The following SAMD12 variants were observed in gnomAD, a reference collection of about 807,000 sequenced individuals.
SAMD12 encodes sterile alpha motif domain-containing protein 12.
SAMD12 carries 9 observed loss-of-function variants against 15.0 expected under a neutral mutation model. The observed-to-expected ratio is 0.60, with a 90% CI of 0.36 to 1.05. The LOEUF (loss-of-function observed/expected upper bound fraction) is 1.05, where lower values mean the gene tolerates loss of function less well. Among genes scored for constraint, SAMD12 ranks in the 50% least tolerant of loss-of-function variants. The probability of loss-of-function intolerance (pLI) is 0.01; values close to 1 mark genes in which losing one functional copy is unlikely to be tolerated. For synonymous variants in SAMD12, 86 were observed against 90.1 expected, an observed-to-expected ratio of 0.96 and a Z score of 0.25; for missense variants, 230 against 234.2, an observed-to-expected ratio of 0.98 and a Z score of 0.12.
intron 2 of SAMD12, among the ~76,000 whole-genome samples, chr8:118,554,637 T>C (rs1233587793): frequency 6.6e-6 from 1 of 151,818 alleles, no homozygotes; most frequent in Non-Finnish European, 1.5e-5. Flanking sequence ...GTAACTAACC[T>C]GCACATTGTG....
rs1378701285 is a variant in SAMD12 at position 118,199,231 on chromosome 8, C to T, written c.434-1499G>A. Among the ~76,000 whole-genome samples the T allele has an allele frequency of 2.0e-5, 3 of 152,178 alleles. No homozygotes were observed. The East Asian group carries it at 5.8e-4, about 29-fold the overall frequency. On this transcript the variant is annotated intron_variant, in intron 4 of 4. Coordinates refer to the SAMD12 transcript ENST00000409003. Reference sequence around the variant, plus strand: ...AACAAAAATTAGGCTCACAGGGTTGCAGGATTGCCCCATGACTAACTAAAG... The same window carrying T: ...AACAAAAATTAGGCTCACAGGGTTGTAGGATTGCCCCATGACTAACTAAAG...
intron 4 of SAMD12, among the ~76,000 whole-genome samples, chr8:118,209,590 T>C (rs1313742440): frequency 1.3e-5 from 2 of 152,198 alleles, no homozygotes; most frequent in Non-Finnish European, 2.9e-5. Context: ...TTGTGATTAA[T>C]TGCTTGAACT....
intron 4 of SAMD12, among the ~76,000 whole-genome samples, chr8:118,278,388 G>C (rs1393838000): frequency 6.6e-6 from 1 of 152,098 alleles, no homozygotes; most frequent in Non-Finnish European, 1.5e-5. Flanking sequence ...ACTGACAAAG[G>C]GTTAAGAAAA....
chr8:118,364,151 G>A (rs2130649207), intron 4 of SAMD12, among the ~76,000 whole-genome samples: 1 of 152,256 alleles, frequency 6.6e-6, no homozygotes. Flanking sequence ...TTTATTCACA[G>A]GAGGTAGTAC....
At chr8:118,451,609 C>T (rs1823086004) in intron 2 of SAMD12, among the ~76,000 whole-genome samples, 1 of 152,184 alleles carries the variant, frequency 6.6e-6, no homozygotes, top group Non-Finnish European at 1.5e-5. Flanking sequence ...AAAGAGAGGG[C>T]TGATGGGCCC....
At chr8:118,422,195 G>A (rs550142789) in intron 3 of SAMD12, among the ~76,000 whole-genome samples, 101 of 152,320 alleles carry the variant, frequency 6.6e-4, no homozygotes, top group African/African-American at 2.4e-3. Flanking sequence ...CTTATTAAAT[G>A]CCTACTTTAT....
chr8:118,527,061 A>C (rs902361230), intron 2 of SAMD12, among the ~76,000 whole-genome samples: 4 of 152,160 alleles, frequency 2.6e-5, no homozygotes, highest in African/African-American at 9.7e-5. Context: ...CTCCTTTCCA[A>C]TCAGTTAATC....
At chr8:118,571,008 G>C (rs530841482) in intron 2 of SAMD12, among the ~76,000 whole-genome samples, 1 of 152,268 alleles carries the variant, frequency 6.6e-6, no homozygotes, top group Admixed American at 6.5e-5. Flanking sequence ...CAGCCACGTG[G>C]AAGTGTAAGT....
At chr8:118,518,868 G>A (rs186611843) in intron 2 of SAMD12, among the ~76,000 whole-genome samples, 96 of 152,204 alleles carry the variant, frequency 6.3e-4, no homozygotes, top group Admixed American at 1.5e-3. Context: ...TTTCCCCAGC[G>A]TCAGGCACCA....
intron 2 of SAMD12, among the ~76,000 whole-genome samples, chr8:118,572,777 C>T (rs925300683): frequency 1.2e-4 from 18 of 152,152 alleles, no homozygotes; most frequent in East Asian, 7.8e-4. Flanking sequence ...ATGTCTTTAT[C>T]GCAGCATGAA....
At chr8:118,317,741 G>C (rs550176382) in intron 4 of SAMD12, among the ~76,000 whole-genome samples, 30 of 152,230 alleles carry the variant, frequency 2.0e-4, no homozygotes, top group African/African-American at 7.2e-4. Context: ...ATTAATATAG[G>C]TGTACTTTTC....
At chr8:118,491,166 T>A (rs1009448598) in intron 2 of SAMD12, among the ~76,000 whole-genome samples, 6 of 152,196 alleles carry the variant, frequency 3.9e-5, no homozygotes, top group African/African-American at 1.4e-4. Context: ...CTGGACTTCT[T>A]CAGCTCCTTG....
chr8:118,525,131 C>T (rs1032655493), intron 2 of SAMD12, among the ~76,000 whole-genome samples: 3 of 152,170 alleles, frequency 2.0e-5, no homozygotes, highest in Admixed American at 1.3e-4. Flanking sequence ...CTGCTGAAGC[C>T]ACACAGGCTC....
chr8:118,530,763 A>G (rs1156879502), intron 2 of SAMD12, among the ~76,000 whole-genome samples: 3 of 152,134 alleles, frequency 2.0e-5, no homozygotes, highest in Admixed American at 2.0e-4. Context: ...TTTTAATAAC[A>G]AATTATTCTC....
chr8:118,590,100 G>C (rs1236268175), intron 1 of SAMD12, among the ~76,000 whole-genome samples: 1 of 152,122 alleles, frequency 6.6e-6, no homozygotes, highest in Non-Finnish European at 1.5e-5. Flanking sequence ...CCTGCAACTT[G>C]GGAAGAGCTA....
chr8:118,273,355 A>G (rs1813409730), intron 4 of SAMD12, among the ~76,000 whole-genome samples: 1 of 152,148 alleles, frequency 6.6e-6, no homozygotes, highest in Non-Finnish European at 1.5e-5. Context: ...CATCCTTTCT[A>G]TGGCACATGG....
chr8:118,154,355 T>G, the SAMD12 span, among the ~76,000 whole-genome samples: 1 of 152,188 alleles, frequency 6.6e-6, no homozygotes, highest in Non-Finnish European at 1.5e-5. Context: ...TCGCTATGCA[T>G]GGGATGCCCT....
intron 2 of SAMD12, among the ~76,000 whole-genome samples, chr8:118,480,115 A>G (rs1038428731): frequency 2.0e-5 from 3 of 152,318 alleles, no homozygotes; most frequent in African/African-American, 7.2e-5. Flanking sequence ...AGGAGAAGCA[A>G]ATGGTTTTCT....
intron 1 of SAMD12, among the ~76,000 whole-genome samples, chr8:118,605,827 T>C (rs1290323229): frequency 3.5e-5 from 3 of 85,402 alleles, no homozygotes; most frequent in African/African-American, 1.3e-4. Context: ...TATATATATA[T>C]ATATACTGAC....
Sources: allele counts gnomAD v4.1 joint callset (sites outside exome capture counted in the v4.1 genomes callset), GRCh38; gene constraint gnomAD v4.1.1; transcripts MANE v1.5; gene names NCBI Gene and HGNC (gene_info 2026-07-23, HGNC 2026-07-21).